The following SGCD variants were observed in gnomAD, a reference collection of about 807,000 sequenced individuals.
SGCD encodes the protein delta-sarcoglycan.
Under a neutral mutation model 36.6 loss-of-function variants are expected in SGCD, and 18 were observed. The ratio of observed to expected loss-of-function variants is 0.49; its 90% CI spans 0.34 to 0.73. The LOEUF is 0.73. Ranked by LOEUF, SGCD falls within the 30% of genes least tolerant of loss-of-function variation. The pLI is 0.01. For synonymous variants in SGCD, 133 were observed against 130.6 expected, an observed-to-expected ratio of 1.02 and a Z score of -0.12; for missense variants, 387 against 346.7, an observed-to-expected ratio of 1.12 and a Z score of -0.92.
intron 3 of SGCD, among the ~76,000 whole-genome samples, chr5:156,273,283 T>C (rs1274749367): frequency 1.3e-5 from 2 of 152,186 alleles, no homozygotes; most frequent in Non-Finnish European, 2.9e-5. Context: ...GTGCTTGTAG[T>C]GTTTATTTAT....
chr5:155,828,818 C>T, the SGCD span, among the ~76,000 whole-genome samples: 1 of 151,950 alleles, frequency 6.6e-6, no homozygotes, highest in African/African-American at 2.4e-5. Context: ...TCCCAAGTAG[C>T]TGGGATGACA....
intron 1 of SGCD, among the ~76,000 whole-genome samples, chr5:156,029,522 C>G (rs1759297185): frequency 6.6e-6 from 1 of 152,204 alleles, no homozygotes; most frequent in Non-Finnish European, 1.5e-5. Flanking sequence ...AGCTTGCCCT[C>G]TAACATGAGA....
intron 7 of SGCD, among the ~76,000 whole-genome samples, chr5:156,735,985 A>G (rs926822757): frequency 2.0e-5 from 3 of 152,190 alleles, no homozygotes; most frequent in African/African-American, 7.2e-5. Flanking sequence ...GCAAAGATCC[A>G]TGGGAGAAGA....
intron 3 of SGCD, among the ~76,000 whole-genome samples, chr5:156,165,373 T>C (rs1480872376): frequency 6.6e-6 from 1 of 152,096 alleles, no homozygotes; most frequent in Non-Finnish European, 1.5e-5. Context: ...AGTAAAAAGG[T>C]CTAAGAGATG....
intron 4 of SGCD, among the ~76,000 whole-genome samples, chr5:156,539,303 G>T (rs945761133): frequency 1.3e-5 from 2 of 151,760 alleles, no homozygotes; most frequent in African/African-American, 2.4e-5. Flanking sequence ...CAGGTGGTTT[G>T]GGGTTACATG....
At chr5:156,253,521 C>T (rs1365935800) in intron 3 of SGCD, among the ~76,000 whole-genome samples, 4 of 152,268 alleles carry the variant, frequency 2.6e-5, no homozygotes, top group South Asian at 2.1e-4. Context: ...TGACATATTT[C>T]GGTTACCTTG....
chr5:156,145,079 A>G (rs1332586646), intron 3 of SGCD, among the ~76,000 whole-genome samples: 1 of 152,188 alleles, frequency 6.6e-6, no homozygotes, highest in Non-Finnish European at 1.5e-5. Flanking sequence ...ATGTGGAATT[A>G]TAATCCCCAG....
the SGCD span, among the ~76,000 whole-genome samples, chr5:155,829,537 A>G: frequency 1.3e-5 from 2 of 152,360 alleles, no homozygotes; most frequent in African/African-American, 4.8e-5. Context: ...TTTCCAGGGA[A>G]GAATAAATCA....
At chr5:156,040,679 T>A (rs1759612871) in intron 1 of SGCD, among the ~76,000 whole-genome samples, 1 of 152,208 alleles carries the variant, frequency 6.6e-6, no homozygotes, top group Non-Finnish European at 1.5e-5. Flanking sequence ...GTGTGCAGGA[T>A]CTCTCATCCA....
intron 3 of SGCD, among the ~76,000 whole-genome samples, chr5:156,392,933 G>C (rs1771657330): frequency 6.6e-6 from 1 of 152,048 alleles, no homozygotes; most frequent in South Asian, 2.1e-4. Context: ...TGCTTGCTTG[G>C]GTCTCGGGTT....
intron 1 of SGCD, among the ~76,000 whole-genome samples, chr5:156,046,797 A>T: frequency 6.6e-6 from 1 of 152,140 alleles, no homozygotes; most frequent in East Asian, 1.9e-4. Flanking sequence ...CAAGGTATTC[A>T]AGTGAAGGGA....
intron 3 of SGCD, among the ~76,000 whole-genome samples, chr5:156,484,284 G>C (rs945866526): frequency 3.3e-5 from 5 of 152,152 alleles, no homozygotes; most frequent in African/African-American, 9.7e-5. Flanking sequence ...TTAAAATAAA[G>C]CAAGAGAAGT....
At chr5:156,576,101 G>T (rs1759936692) in intron 4 of SGCD, among the ~76,000 whole-genome samples, 1 of 151,644 alleles carries the variant, frequency 6.6e-6, no homozygotes. Flanking sequence ...TAGACCCCGG[G>T]GTGTGATGTT....
At chr5:156,148,217 A>G (rs1363840781) in intron 3 of SGCD, among the ~76,000 whole-genome samples, 1 of 152,240 alleles carries the variant, frequency 6.6e-6, no homozygotes, top group Non-Finnish European at 1.5e-5. Context: ...AATAAAAAGT[A>G]TAACAAAATA....
Position 156,060,730 on chromosome 5 carries a change from T to G in SGCD, c.-281-57148T>G, listed in dbSNP as rs1290225977. ...AGCCTAAATATGGCTGTTTGAATCTTAATAGGTACAATTTGGATGTTGTAA... is the reference window on the plus strand; with the variant it reads ...AGCCTAAATATGGCTGTTTGAATCTGAATAGGTACAATTTGGATGTTGTAA... On this transcript the variant is annotated intron_variant, in intron 1 of 9. Coordinates refer to the SGCD transcript ENST00000517913. 2.1e-5 allele frequency among the ~76,000 whole-genome samples: 3 copies of G among 146,264 alleles called. 1 individual carries two copies. The highest frequency in any genetic ancestry group is 4.6e-5 in the Non-Finnish European group (3 of 64,918).
chr5:156,037,485 G>A (rs1186013143), intron 1 of SGCD, among the ~76,000 whole-genome samples: 1 of 152,172 alleles, frequency 6.6e-6, no homozygotes, highest in Non-Finnish European at 1.5e-5. Context: ...CCTAAACTCT[G>A]TAAGCAGGCA....
chr5:155,956,092 G>T (rs1757643770), intron 1 of SGCD, among the ~76,000 whole-genome samples: 1 of 148,768 alleles, frequency 6.7e-6, no homozygotes, highest in African/African-American at 2.5e-5. Context: ...CACTGAAATT[G>T]CTTTCTTGCT....
At chr5:155,882,329 T>C (rs2113297746) in intron 1 of SGCD, among the ~76,000 whole-genome samples, 1 of 152,172 alleles carries the variant, frequency 6.6e-6, no homozygotes, top group East Asian at 1.9e-4. Context: ...TCCACCTGCC[T>C]TGGCCTCCCG....
chr5:156,391,317 C>T (rs186536288), intron 3 of SGCD, among the ~76,000 whole-genome samples: 136 of 152,280 alleles, frequency 8.9e-4, no homozygotes, highest in African/African-American at 2.9e-3. Context: ...TGTAAGTACA[C>T]GCTATGTTAG....
Sources: gnomAD v4.1 joint callset for allele counts (sites outside exome capture counted in the v4.1 genomes callset) on GRCh38, gnomAD v4.1.1 for gene constraint, MANE v1.5 for transcripts, NCBI Gene and HGNC (gene_info 2026-07-23, HGNC 2026-07-21) for gene names.